Variants in TSGA10 observed in about 807,000 individuals in gnomAD.
TSGA10 encodes testis specific 10.
In TSGA10, 43 loss-of-function variants were observed where a neutral mutation model predicts 96.6. That is an observed-to-expected ratio of 0.44 (90% CI 0.35 to 0.57). The LOEUF is 0.57. TSGA10 is among the 20% of genes least tolerant of loss of function. TSGA10 has a pLI of 0.01. For synonymous variants in TSGA10, 229 were observed against 269.9 expected (o/e 0.85, Z 1.48); for missense variants, 703 against 834.4 (o/e 0.84, Z 1.94).
intron 17 of TSGA10, among the ~76,000 whole-genome samples, chr2:99,020,936 TAATA>T (rs1402969537): frequency 6.7e-6 from 1 of 149,174 alleles, no homozygotes; most frequent in Non-Finnish European, 1.5e-5. Flanking sequence ...TTAATATAAT[TAATA>T]ATTATATTTA....
At position 99,081,782 on chromosome 2, in the gene TSGA10, T is replaced by C. The variant is rs13006886; in HGVS notation, c.612-385A>G. 8.9e-3 allele frequency among the ~76,000 whole-genome samples: 1,349 copies of C among 152,236 alleles called. 5 individuals are homozygous for C. Among genetic ancestry groups the C allele is most frequent in the Admixed American group, 0.019 (286 of 15,280 alleles). On this transcript the variant is annotated intron_variant, in intron 10 of 20. Transcript: ENST00000393483. ...ATAGAGATGTCTGCAACACAGGAAA[T>C]AGAACTAAGGTGTCCCATGTAAATA...
chr2:99,005,096 TTCA>T, intron 20 of TSGA10, among the ~76,000 whole-genome samples: 1 of 152,300 alleles, frequency 6.6e-6, no homozygotes, highest in Non-Finnish European at 1.5e-5. Flanking sequence ...TCAACAACGC[TTCA>T]TGCTAAAAAC....
In TSGA10 at chr2:99,068,927, A is replaced by G; in HGVS notation, c.1179T>C (p.Asn393=). ...TATTCTTCAGCTTGTTAACCTCCAA[A>G]TTAGTATCTTGAACCTTCTGTTTTA... ...NDIKQKVQDT[N]LEVNKLKNIL... is the part of the protein sequence containing the mutation. The change falls in exon 15 of 21, where the codon AAT becomes AAC. Residue 393 remains asparagine, a synonymous_variant. Coordinates refer to ENST00000393483, the MANE Select transcript of TSGA10 (RefSeq NM_025244.4). The G allele has an allele frequency of 6.8e-7, 1 of 1,467,238 alleles. No individual in the cohort carries two copies. The highest frequency in any genetic ancestry group is 9.0e-7 in the Non-Finnish European group (1 of 1,113,678). 90.9% of individuals were successfully genotyped at this position (1,467,238 alleles called of 1,614,324 possible). A position where few individuals can be genotyped will look rare whatever the true frequency, so the allele number is the denominator to read the frequency against.
At chr2:99,089,003 G>A (rs1046598345) in intron 10 of TSGA10, among the ~76,000 whole-genome samples, 4 of 152,182 alleles carry the variant, frequency 2.6e-5, no homozygotes, top group Admixed American at 6.5e-5. Context: ...GGAAAGCCGA[G>A]AGAATCCACA....
At chr2:99,102,189 T>C in intron 10 of TSGA10, 1 of 1,584,300 alleles carries the variant, frequency 6.3e-7, no homozygotes, top group Non-Finnish European at 8.7e-7. Context: ...AGCTATTCAG[T>C]TAACTTTCAA....
At chr2:99,027,584 T>G in intron 17 of TSGA10, among the ~76,000 whole-genome samples, 1 of 152,218 alleles carries the variant, frequency 6.6e-6, no homozygotes, top group African/African-American at 2.4e-5. Context: ...TGATATGTTA[T>G]TAGCTTAATT....
At chr2:99,018,075 C>T (rs376292487) in intron 20 of TSGA10, 125 bp downstream of exon 20, 20 of 820,630 alleles carry the variant, frequency 2.4e-5, no homozygotes, top group Admixed American at 2.3e-4. Flanking sequence ...ATCAATATAT[C>T]TTGGTAATCA....
intron 1 of TSGA10, among the ~76,000 whole-genome samples, chr2:99,129,216 T>C (rs2092959767): frequency 6.6e-6 from 1 of 152,180 alleles, no homozygotes; most frequent in South Asian, 2.1e-4. Context: ...TTGATATTTA[T>C]ATATATAGAA....
intron 17 of TSGA10, among the ~76,000 whole-genome samples, chr2:99,033,677 T>C (rs1394418983): frequency 6.6e-6 from 1 of 152,084 alleles, no homozygotes; most frequent in Non-Finnish European, 1.5e-5. Flanking sequence ...GCTGTCTTAC[T>C]AAAAATACAA....
Position 99,134,573 on chromosome 2 carries a change from A to G in TSGA10, c.-620-7397T>C, listed in dbSNP as rs543524059. On this transcript the variant is annotated intron_variant, in intron 1 of 20. Coordinates refer to ENST00000393483, the MANE Select transcript of TSGA10 (RefSeq NM_025244.4). ...TGTTATTACCCACCTTCTGAAGCCT[A>G]CTTCTGTCAATTTGTCAAACTCATT... 4.6e-5 allele frequency among the ~76,000 whole-genome samples: 7 copies of G among 152,210 alleles called. No individual in the cohort carries two copies. The South Asian group carries it at 1.5e-3, about 32-fold the overall frequency.
chr2:99,047,941 G>A (rs1362207631), intron 16 of TSGA10, among the ~76,000 whole-genome samples: 1 of 151,806 alleles, frequency 6.6e-6, no homozygotes, highest in East Asian at 1.9e-4. Flanking sequence ...ACAAACTGAG[G>A]GCTAAATCAT....
intron 3 of TSGA10, 42 bp from the exon 4 acceptor site, chr2:99,117,801 A>T (rs971999884): frequency 3.2e-6 from 3 of 945,938 alleles, no homozygotes; most frequent in Non-Finnish European, 3.8e-6. Context: ...ATAATTCCTT[A>T]GCTTTTTTCT....
At chr2:99,000,026 G>A (rs1161237398) in intron 20 of TSGA10, among the ~76,000 whole-genome samples, 1 of 152,132 alleles carries the variant, frequency 6.6e-6, no homozygotes, top group Non-Finnish European at 1.5e-5. Flanking sequence ...AAAGTGCTAG[G>A]ATTACACGTG....
intron 13 of TSGA10, among the ~76,000 whole-genome samples, chr2:99,072,682 C>T (rs911283268): frequency 6.6e-6 from 1 of 152,194 alleles, no homozygotes; most frequent in African/African-American, 2.4e-5. Context: ...GTCTGTTACA[C>T]AAGCCTCTGC....
intron 1 of TSGA10, among the ~76,000 whole-genome samples, chr2:99,146,447 A>AT (rs919579514): frequency 2.0e-5 from 3 of 151,558 alleles, no homozygotes; most frequent in African/African-American, 4.9e-5. Context: ...TTTTGTTTAT[A>AT]TTTTTTTCAT....
chr2:99,108,843 A>G lies in TSGA10; in HGVS notation c.200T>C (p.Leu67Pro). The G allele has an allele frequency of 6.4e-7, 1 of 1,568,942 alleles. No individual in the cohort carries two copies. Among genetic ancestry groups the G allele is most frequent in the African/African-American group, 1.4e-5 (1 of 72,394 alleles). Residue 67 changes from leucine (L) to proline (P), a missense_variant, in exon 7 of 21, where the codon CTT (leucine) becomes CCT (proline). Transcript: ENST00000393483. ...TTTTTGTAAGTTTACCTGTTCATAA[A>G]GAAGGAAGATCTTGTCTCTCTCAGA... is the stretch of plus-strand genomic sequence containing the variant. ...LKSERDKIFL[L>P]YEQAQEEITR...
chr2:99,106,624 C>A (rs1434320416), intron 7 of TSGA10, among the ~76,000 whole-genome samples: 2 of 151,970 alleles, frequency 1.3e-5, no homozygotes, highest in Non-Finnish European at 2.9e-5. Flanking sequence ...CACCCCAGAA[C>A]AACCTGGCTC....
At chr2:99,027,568 GTTGA>G (rs1200385184) in intron 17 of TSGA10, among the ~76,000 whole-genome samples, 1 of 152,110 alleles carries the variant, frequency 6.6e-6, no homozygotes, top group African/African-American at 2.4e-5. Context: ...AAGTTGATAA[GTTGA>G]TTGATATGTT....
intron 12 of TSGA10, among the ~76,000 whole-genome samples, chr2:99,077,129 T>A (rs2086806764): frequency 1.4e-5 from 1 of 72,012 alleles, no homozygotes; most frequent in South Asian, 5.9e-4. Context: ...CCATTCACCT[T>A]TTTTTTTTTT....
Sources: allele counts gnomAD v4.1 joint callset (sites outside exome capture counted in the v4.1 genomes callset), GRCh38; gene constraint gnomAD v4.1.1; transcripts MANE v1.5; gene names NCBI Gene and HGNC (gene_info 2026-07-23, HGNC 2026-07-21).